AKAP19: variants seen among roughly 807,000 people sequenced by gnomAD.
The protein encoded by AKAP19 is A-kinase anchoring protein 19.
the AKAP19 span, among the ~76,000 whole-genome samples, chr2:189,926,398 C>T: frequency 6.6e-6 from 1 of 151,744 alleles, no homozygotes; most frequent in African/African-American, 2.4e-5. Context: ...GGGTTCACGC[C>T]ATTCTCCTGC....
chr2:190,202,458 TAAG>T, the AKAP19 span: 1 of 166,846 alleles, frequency 6.0e-6, no homozygotes, highest in Non-Finnish European at 1.5e-5. Flanking sequence ...AATAAATGAA[TAAG>T]AGAGATGAAT....
the AKAP19 span, among the ~76,000 whole-genome samples, chr2:190,190,193 T>C: frequency 6.6e-6 from 1 of 152,360 alleles, no homozygotes; most frequent in African/African-American, 2.4e-5. Context: ...TTTAATAGCC[T>C]AGAAAGTTAT....
chr2:190,065,941 T>C, the AKAP19 span, among the ~76,000 whole-genome samples: 1 of 152,140 alleles, frequency 6.6e-6, no homozygotes, highest in South Asian at 2.1e-4. Flanking sequence ...GAAACTTCAA[T>C]GTAGTCTGAC....
chr2:190,080,419 GCA>G, the AKAP19 span, among the ~76,000 whole-genome samples: 2 of 152,218 alleles, frequency 1.3e-5, no homozygotes, highest in Non-Finnish European at 2.9e-5. Flanking sequence ...CAGTGCAAAA[GCA>G]CAGAGGACTT....
the AKAP19 span, among the ~76,000 whole-genome samples, chr2:190,061,386 A>T: frequency 6.6e-6 from 1 of 152,006 alleles, no homozygotes; most frequent in Non-Finnish European, 1.5e-5. Flanking sequence ...AATTGTATGA[A>T]ATATGTTATC....
the AKAP19 span, among the ~76,000 whole-genome samples, chr2:190,115,164 T>TGA: frequency 7.4e-6 from 1 of 135,990 alleles, no homozygotes; most frequent in East Asian, 2.1e-4. Flanking sequence ...AGTGTGTGTG[T>TGA]GTGTGAGGGG....
At chr2:190,038,670 G>GA in the AKAP19 span, among the ~76,000 whole-genome samples, 4 of 151,704 alleles carry the variant, frequency 2.6e-5, no homozygotes, top group Non-Finnish European at 4.4e-5. Context: ...TCCAACCCAG[G>GA]AAAAAAAATT....
chr2:189,974,551 G>A, the AKAP19 span, among the ~76,000 whole-genome samples: 657 of 152,234 alleles, frequency 4.3e-3, 7 homozygotes, highest in African/African-American at 0.015. Flanking sequence ...TTTCTGTTTC[G>A]TTGATCTGTC....
chr2:190,174,162 T>C, the AKAP19 span, among the ~76,000 whole-genome samples: 1 of 152,184 alleles, frequency 6.6e-6, no homozygotes, highest in African/African-American at 2.4e-5. Context: ...CTAGCTGCAT[T>C]AGGAATAAGA....
the AKAP19 span, among the ~76,000 whole-genome samples, chr2:189,888,270 C>A: frequency 6.6e-6 from 1 of 152,012 alleles, no homozygotes; most frequent in African/African-American, 2.4e-5. Flanking sequence ...TGTAGATAGG[C>A]GGGATTATTT....
At chr2:189,950,334 G>GTTTTTT in the AKAP19 span, among the ~76,000 whole-genome samples, 1 of 137,542 alleles carries the variant, frequency 7.3e-6, no homozygotes. Flanking sequence ...AGCCTTTTTT[G>GTTTTTT]TTTTTTTTTT....
At chr2:190,201,308 G>T in the AKAP19 span, 1 of 166,868 alleles carries the variant, frequency 6.0e-6, no homozygotes, top group Admixed American at 6.6e-5. Context: ...AGTACTGTTT[G>T]AAGATCAGTG....
At chr2:190,080,376 A>T in the AKAP19 span, among the ~76,000 whole-genome samples, 2 of 152,248 alleles carry the variant, frequency 1.3e-5, no homozygotes, top group Admixed American at 1.3e-4. Flanking sequence ...AGAAGGTGGT[A>T]AGTGCTCTTC....
the AKAP19 span, among the ~76,000 whole-genome samples, chr2:190,014,011 C>G: frequency 9.2e-5 from 14 of 152,072 alleles, no homozygotes; most frequent in African/African-American, 3.1e-4. Flanking sequence ...TAAGGCATAA[C>G]GTTAGGTTGT....
chr2:190,200,196 A>T, the AKAP19 span: 1 of 1,535,764 alleles, frequency 6.5e-7, no homozygotes, highest in East Asian at 2.3e-5. Flanking sequence ...AGTTTGAATA[A>T]ATGTGACAAA....
the AKAP19 span, among the ~76,000 whole-genome samples, chr2:190,107,649 G>A: frequency 6.6e-6 from 1 of 152,168 alleles, no homozygotes; most frequent in Non-Finnish European, 1.5e-5. Flanking sequence ...CTGAAAGAGT[G>A]GGGTCATACA....
chr2:190,035,112 G>A, the AKAP19 span, among the ~76,000 whole-genome samples: 1 of 152,130 alleles, frequency 6.6e-6, no homozygotes, highest in African/African-American at 2.4e-5. Context: ...AATAAAGATT[G>A]AAAAGTTGGG....
the AKAP19 span, among the ~76,000 whole-genome samples, chr2:189,927,936 C>T: frequency 1.3e-5 from 2 of 152,140 alleles, no homozygotes; most frequent in Non-Finnish European, 2.9e-5. Context: ...ATTTGTAATG[C>T]TCTAGACATT....
At chr2:190,163,307 G>A in the AKAP19 span, among the ~76,000 whole-genome samples, 272 of 151,994 alleles carry the variant, frequency 1.8e-3, 1 homozygote, top group Non-Finnish European at 3.3e-3. Flanking sequence ...GTTGGCGGGC[G>A]CCTGTAGTCC....
Sources: gnomAD v4.1 joint callset for allele counts (sites outside exome capture counted in the v4.1 genomes callset) on GRCh38, gnomAD v4.1.1 for gene constraint, MANE v1.5 for transcripts, NCBI Gene and HGNC (gene_info 2026-07-23, HGNC 2026-07-21) for gene names.